The following NUP153 variants were observed in gnomAD, a reference collection of about 807,000 sequenced individuals.
NUP153 encodes the protein nucleoporin 153.
NUP153 carries 27 observed loss-of-function variants against 134.6 expected under a neutral mutation model. The observed-to-expected ratio is 0.20, with a 90% confidence interval of 0.15 to 0.28. NUP153 has a LOEUF of 0.28. NUP153 is among the 10% of genes least tolerant of loss of function. The pLI is 1.00. For synonymous variants in NUP153, 640 were observed against 623.5 expected, an observed-to-expected ratio of 1.03 and a Z score of -0.40; for missense variants, 1,821 against 1,731.3, an observed-to-expected ratio of 1.05 and a Z score of -0.92.
intron 20 of NUP153, among the ~76,000 whole-genome samples, chr6:17,622,249 A>G (rs566262140): frequency 3.3e-5 from 5 of 152,272 alleles, no homozygotes; most frequent in African/African-American, 1.2e-4. Flanking sequence ...CGGGAGTTAG[A>G]GACCAGCCTG....
intron 14 of NUP153, among the ~76,000 whole-genome samples, chr6:17,645,832 T>A (rs1324037073): frequency 6.6e-6 from 1 of 152,212 alleles, no homozygotes; most frequent in Non-Finnish European, 1.5e-5. Context: ...TTTGCTACCA[T>A]GCCTATCTCT....
chr6:17,662,002 T>A lies in NUP153; in HGVS notation c.1268+16A>T, dbSNP rs763426217. The stretch of plus-strand genomic sequence containing the variant: ...TTAAATATAAAGAAGTATAGCTGTA[T>A]AAGAAATGACAGTACCTTTCTCGTT... On this transcript the variant is annotated intron_variant, in intron 10 of 21. Transcript: ENST00000262077. 3.2e-6 allele frequency: 5 copies of A among 1,566,502 alleles called. No individual in the cohort carries two copies. The highest frequency in any genetic ancestry group is 4.4e-6 in the Non-Finnish European group (5 of 1,138,738).
chr6:17,688,132 A>C (rs767521568), intron 2 of NUP153, among the ~76,000 whole-genome samples: 2 of 152,208 alleles, frequency 1.3e-5, no homozygotes, highest in African/African-American at 2.4e-5. Context: ...AACAAAAAAA[A>C]GAAAGAAAAA....
chr6:17,662,279 C>A (rs1458149202), intron 9 of NUP153, among the ~76,000 whole-genome samples: 5 of 152,108 alleles, frequency 3.3e-5, no homozygotes, highest in African/African-American at 7.2e-5. Flanking sequence ...TCAGTGAGCA[C>A]AATCATTATT....
chr6:17,644,144 G>A (rs1766011741), intron 14 of NUP153, among the ~76,000 whole-genome samples: 1 of 151,814 alleles, frequency 6.6e-6, no homozygotes, highest in Non-Finnish European at 1.5e-5. Context: ...ACCATTCAAA[G>A]CCAAAGATAT....
At chr6:17,693,183 T>TACACAC (rs67348223) in intron 1 of NUP153, among the ~76,000 whole-genome samples, 11,114 of 145,808 alleles carry the variant, frequency 0.076, 481 homozygotes, top group South Asian at 0.16. Context: ...AGCTTTTTCC[T>TACACAC]ACACACACAC....
chr6:17,705,768 T>C (rs1005217788), intron 1 of NUP153, among the ~76,000 whole-genome samples: 22 of 152,050 alleles, frequency 1.4e-4, no homozygotes, highest in Non-Finnish European at 1.5e-5. Flanking sequence ...GACTAAGTTA[T>C]TCCACTTTCC....
At chr6:17,629,978 T>C (rs564063621) in intron 17 of NUP153, among the ~76,000 whole-genome samples, 6 of 152,306 alleles carry the variant, frequency 3.9e-5, no homozygotes, top group African/African-American at 1.4e-4. Flanking sequence ...ACATGCAAAA[T>C]GCCATATGCA....
chr6:17,688,124 CA>C lies in NUP153; in HGVS notation c.334+271del, dbSNP rs954122421. Among the ~76,000 whole-genome samples, 3 of 149,810 alleles carry C rather than the reference CA, an allele frequency of 2.0e-5. No homozygotes were observed. The East Asian group carries it at 5.9e-4, about 29-fold the overall frequency. On this transcript the variant is annotated intron_variant, in intron 2 of 21. Coordinates refer to ENST00000262077, the MANE Select transcript of NUP153 (RefSeq NM_005124.4). ...CAGAGCGAGACTCCGTCTCAAAAAA[CA>C]AAAAAAAGAAAGAAAAAAAGAAAAA... is the stretch of plus-strand genomic sequence containing the variant.
chr6:17,662,218 C>T (rs1275830142), intron 9 of NUP153, 148 bp from the exon 10 acceptor site: 3 of 675,076 alleles, frequency 4.4e-6, no homozygotes, highest in Admixed American at 5.5e-5. Context: ...TTACACCCTG[C>T]CTTCTGAATG....
At chr6:17,694,840 A>G (rs1020613103) in intron 1 of NUP153, among the ~76,000 whole-genome samples, 4 of 151,818 alleles carry the variant, frequency 2.6e-5, no homozygotes, top group African/African-American at 9.7e-5. Flanking sequence ...GTAGCCGGGC[A>G]TGGTGGTGGG....
At chr6:17,641,047 T>C (rs754019949) in intron 14 of NUP153, among the ~76,000 whole-genome samples, 4 of 152,224 alleles carry the variant, frequency 2.6e-5, no homozygotes, top group Admixed American at 6.5e-5. Context: ...TTTTACTTTT[T>C]ATGCTTTCTA....
intron 9 of NUP153, among the ~76,000 whole-genome samples, chr6:17,664,758 T>G (rs536761005): frequency 4.5e-4 from 68 of 152,154 alleles, no homozygotes; most frequent in Non-Finnish European, 8.4e-4. Flanking sequence ...ACTTAAGATC[T>G]GACCAAGGTA....
chr6:17,637,131 C>T, intron 16 of NUP153, 22 bp downstream of exon 16: 1 of 1,578,658 alleles, frequency 6.3e-7, no homozygotes, highest in South Asian at 1.1e-5. Flanking sequence ...AGCAAAATTA[C>T]TCCATAAAGC....
chr6:17,658,164 C>A (rs1205662163), intron 11 of NUP153, among the ~76,000 whole-genome samples: 1 of 152,198 alleles, frequency 6.6e-6, no homozygotes, highest in African/African-American at 2.4e-5. Context: ...CTCTGGGAGG[C>A]TGAGGCAGGC....
chr6:17,640,036 T>A lies in NUP153; in HGVS notation c.1749A>T (p.Thr583=). The A allele has an allele frequency of 6.2e-7, 1 of 1,610,106 alleles. No individual in the cohort carries two copies. The highest frequency in any genetic ancestry group is 2.2e-5 in the East Asian group (1 of 44,732). Reference sequence around the variant, plus strand: ...CTTCAGGTGGTGTCTTCTTACAATTTGTACTGTTCACTGTAGTGACATGAT... The same window carrying A: ...CTTCAGGTGGTGTCTTCTTACAATTAGTACTGTTCACTGTAGTGACATGAT... ...SAHHVTTVNS[T]NCKKTPPEDC... The change falls in exon 15 of 22, where the codon ACA becomes ACT. Residue 583 remains threonine, a synonymous_variant. Transcript: ENST00000262077.
Position 17,625,216 on chromosome 6 carries a change from T to C in NUP153, c.3902-383A>G, listed in dbSNP as rs1191758277. On this transcript the variant is annotated intron_variant, in intron 19 of 21. Transcript: ENST00000262077. The surrounding 1 kb of genome is among the most constrained non-coding windows in gnomAD (Gnocchi z 4.7). ...GTTTAATAAAACAACTTCCAGTGTC[T>C]GGTTACTGACAACCTAACATTTTAA... 6.6e-6 allele frequency among the ~76,000 whole-genome samples: 1 copy of C among 152,196 alleles called. No individual in the cohort carries two copies. The highest frequency in any genetic ancestry group is 1.5e-5 in the Non-Finnish European group (1 of 68,038).
rs762372758 is a variant in NUP153 at position 17,647,845 on chromosome 6, C to T, written c.1594G>A (p.Val532Ile). 26 of 1,612,794 alleles carry T rather than the reference C, an allele frequency of 1.6e-5. No individual in the cohort carries two copies. Among genetic ancestry groups the T allele is most frequent in the Non-Finnish European group, 2.1e-5 (25 of 1,178,918 alleles). Reference sequence around the variant, plus strand: ...AGTACATTTGCCTCAGTAGATTTTACGATTGGAGATGAAAATTTAAACATG... The same window carrying T: ...AGTACATTTGCCTCAGTAGATTTTATGATTGGAGATGAAAATTTAAACATG... ...SPMFKFSSPIVKSTEANVLPP... is the reference protein window; with the variant it reads ...SPMFKFSSPIIKSTEANVLPP... Residue 532 changes from valine to isoleucine, a missense_variant, in exon 13 of 22, where the codon GTA becomes ATA. Coordinates refer to ENST00000262077, the MANE Select transcript of NUP153 (RefSeq NM_005124.4).
At position 17,628,776 on chromosome 6, in the gene NUP153, G is replaced by C. The variant is rs759067962; in HGVS notation, c.3423C>G (p.Thr1141=). The C allele has an allele frequency of 1.9e-6, 3 of 1,614,030 alleles. No homozygotes were observed. The highest frequency in any genetic ancestry group is 4.5e-5 in the East Asian group (2 of 44,886). ...TGGACTTTGAAGAATTCTCATCTTTGGTTTGCTCTGAATTCCCAAAGGAAA... is the reference window on the plus strand; with the variant it reads ...TGGACTTTGAAGAATTCTCATCTTTCGTTTGCTCTGAATTCCCAAAGGAAA... The part of the protein sequence containing the change: ...PVFSFGNSEQ[T]KDENSSKSTF... The change falls in exon 18 of 22, where the codon ACC becomes ACG. Residue 1141 remains threonine, a synonymous_variant. Transcript: ENST00000262077. This position sits in a 1 kb window ranked among gnomAD's most constrained non-coding sequence, Gnocchi z 5.4.
Sources: gnomAD v4.1 joint callset for allele counts (sites outside exome capture counted in the v4.1 genomes callset) on GRCh38, gnomAD v4.1.1 for gene constraint, Gnocchi (gnomAD v3.1) non-coding constraint, MANE v1.5 for transcripts, NCBI Gene and HGNC (gene_info 2026-07-23, HGNC 2026-07-21) for gene names.